Variants in SYNPO observed in about 807,000 individuals in gnomAD.
SYNPO encodes synaptopodin.
SYNPO carries 19 observed loss-of-function variants against 49.5 expected under a neutral mutation model. The observed-to-expected ratio is 0.38, with a 90% CI of 0.27 to 0.56. The LOEUF is 0.56. Among genes scored for constraint, SYNPO ranks in the 20% least tolerant of loss-of-function variants. The pLI is 0.68. For missense variants in SYNPO, 1,131 were observed against 1,248.3 expected, an observed-to-expected ratio of 0.91 and a Z score of 1.42; for synonymous variants, 536 against 548.0, an observed-to-expected ratio of 0.98 and a Z score of 0.31.
chr5:150,591,287 C>A, the SYNPO span, among the ~76,000 whole-genome samples: 4 of 152,322 alleles, frequency 2.6e-5, no homozygotes, highest in East Asian at 7.7e-4. Context: ...GAGCCCGGGA[C>A]GGGGAGGCTG....
intron 2 of SYNPO, among the ~76,000 whole-genome samples, chr5:150,629,734 T>C (rs990894979): frequency 6.6e-6 from 1 of 152,242 alleles, no homozygotes; most frequent in Non-Finnish European, 1.5e-5. Flanking sequence ...TTATTTACTA[T>C]GTACCATGGG....
chr5:150,636,211 T>C (rs1757711095), upstream of SYNPO, among the ~76,000 whole-genome samples: 2 of 152,238 alleles, frequency 1.3e-5, no homozygotes, highest in African/African-American at 4.8e-5. Context: ...ATATTTTCTT[T>C]AAATTTTGTT....
Position 150,656,432 on chromosome 5 carries a change from C to G in SYNPO, c.2057C>G (p.Pro686Arg). 3 of 1,532,066 alleles carry G rather than the reference C, an allele frequency of 2.0e-6. No individual in the cohort carries two copies. Among genetic ancestry groups the G allele is most frequent in the South Asian group, 1.2e-5 (1 of 83,622 alleles). The allele number at this position is 1,532,066 out of a possible 1,614,324, so 94.9% of individuals were successfully genotyped here. The change falls in exon 3 of 3, where the codon CCA becomes CGA. Residue 686 changes from proline (P) to arginine (R), a missense_variant. By Grantham distance (103) the Pro-to-Arg change is moderately radical. This residue lies in a region of SYNPO where 509 missense variants were observed against 484.5 expected (regional missense o/e 1.05). Transcript: ENST00000307662. ...CGCCGGGAGAGCCTGCCCACCTCCC[C>G]ACCCTGGACGCCGGGCGCGTCCCGG... The part of the protein sequence containing the change: ...QDRRESLPTS[P>R]PWTPGASRPP...
At chr5:150,609,794 G>A (rs1011201837) in intron 1 of SYNPO, among the ~76,000 whole-genome samples, 1 of 151,642 alleles carries the variant, frequency 6.6e-6, no homozygotes, top group African/African-American at 2.4e-5. Flanking sequence ...GGCGGGGGGG[G>A]GCAGTGTGGA....
intron 1 of SYNPO, among the ~76,000 whole-genome samples, chr5:150,603,983 T>C (rs1756622689): frequency 6.6e-6 from 1 of 152,224 alleles, no homozygotes; most frequent in Non-Finnish European, 1.5e-5. Flanking sequence ...TTCCTGGAGA[T>C]GGGCATATGG....
At position 150,648,481 on chromosome 5, in the gene SYNPO, T is replaced by A. The variant is rs1268446829; in HGVS notation, c.206T>A (p.Val69Asp). 1 of 1,613,870 alleles carries A rather than the reference T, an allele frequency of 6.2e-7. No homozygotes were observed. ...PAEVHSPAAD[V>D]NQNLASPSAT... Reference sequence around the variant, plus strand: ...GAGGTCCACAGCCCAGCTGCAGATGTCAACCAAAACCTTGCCTCGCCCAGT... The same window carrying A: ...GAGGTCCACAGCCCAGCTGCAGATGACAACCAAAACCTTGCCTCGCCCAGT... The change falls in exon 2 of 3, where the codon GTC (valine) becomes GAC (aspartate). Residue 69 changes from valine to aspartate, a missense_variant. By Grantham distance (152) the Val-to-Asp change is radical. Transcript: ENST00000307662. The surrounding 1 kb of genome is among the most constrained non-coding windows in gnomAD (Gnocchi z 5.0).
At chr5:150,629,297 T>G (rs991597894) in intron 2 of SYNPO, among the ~76,000 whole-genome samples, 170 of 152,226 alleles carry the variant, frequency 1.1e-3, no homozygotes, top group African/African-American at 4.0e-3. Flanking sequence ...ATGCCCGGCC[T>G]AGGAACAGGT....
At chr5:150,647,238 C>G (rs1045387974) in intron 1 of SYNPO, among the ~76,000 whole-genome samples, 1 of 145,790 alleles carries the variant, frequency 6.9e-6, no homozygotes, top group Non-Finnish European at 1.5e-5. Flanking sequence ...AGCAAAAACT[C>G]CTTCTCAAAA....
chr5:150,611,330 G>C (rs1430038824), intron 1 of SYNPO, among the ~76,000 whole-genome samples: 3 of 152,226 alleles, frequency 2.0e-5, no homozygotes, highest in Non-Finnish European at 4.4e-5. Context: ...TATGCATTGA[G>C]TGAACAAATG....
chr5:150,604,109 T>C (rs1273010783), intron 1 of SYNPO, among the ~76,000 whole-genome samples: 1 of 152,198 alleles, frequency 6.6e-6, no homozygotes. Flanking sequence ...ACATTCTAAC[T>C]GACCTTCAGT....
chr5:150,639,324 C>T (rs1015585960), upstream of SYNPO, among the ~76,000 whole-genome samples: 1 of 152,242 alleles, frequency 6.6e-6, no homozygotes, highest in Non-Finnish European at 1.5e-5. Context: ...GCCTCCTTCC[C>T]CTGGGTTTCT....
At chr5:150,605,817 C>T (rs1014464683) in intron 1 of SYNPO, among the ~76,000 whole-genome samples, 2 of 151,872 alleles carry the variant, frequency 1.3e-5, no homozygotes, top group Non-Finnish European at 2.9e-5. Flanking sequence ...GAGACACGTA[C>T]AGACACACAC....
chr5:150,595,258 A>G, the SYNPO span, among the ~76,000 whole-genome samples: 2 of 152,182 alleles, frequency 1.3e-5, no homozygotes, highest in Non-Finnish European at 2.9e-5. Context: ...GGCATTTGGG[A>G]AGAGGTTGGA....
At chr5:150,634,514 T>C (rs538664779) in intron 2 of SYNPO, among the ~76,000 whole-genome samples, 5 of 152,132 alleles carry the variant, frequency 3.3e-5, no homozygotes, top group African/African-American at 1.2e-4. Flanking sequence ...TTAATGGCAA[T>C]AAGGATAGAA....
At chr5:150,612,878 C>A (rs1477093848) in intron 1 of SYNPO, among the ~76,000 whole-genome samples, 1 of 152,184 alleles carries the variant, frequency 6.6e-6, no homozygotes, top group African/African-American at 2.4e-5. Context: ...CTCCTGGGCT[C>A]AAGCACTCCT....
At chr5:150,630,074 G>A (rs562166881) in intron 2 of SYNPO, among the ~76,000 whole-genome samples, 4 of 152,264 alleles carry the variant, frequency 2.6e-5, no homozygotes, top group African/African-American at 7.2e-5. Flanking sequence ...TCTAGGGTCC[G>A]GGGCTCTGAG....
intron 2 of SYNPO, among the ~76,000 whole-genome samples, chr5:150,629,514 A>G (rs966871268): frequency 4.6e-5 from 7 of 152,106 alleles, no homozygotes; most frequent in African/African-American, 7.2e-5. Context: ...AAAGCTCCTT[A>G]CTGGCTTGTC....
At chr5:150,635,464 T>C (rs1466898234) in intron 2 of SYNPO, among the ~76,000 whole-genome samples, 1 of 152,108 alleles carries the variant, frequency 6.6e-6, no homozygotes, top group East Asian at 1.9e-4. Flanking sequence ...AAAGAAAACA[T>C]TTTTTTGTTT....
Position 150,649,611 on chromosome 5 carries a change from G to T in SYNPO, c.1336G>T (p.Glu446Ter). 1 of 1,609,096 alleles carries T rather than the reference G, an allele frequency of 6.2e-7. No individual in the cohort carries two copies. ...PRDRASPAAA[E>*]EVVPEWASCL... ...TGACAGGGCCAGCCCCGCGGCGGCG[G>T]AGGAGGTGGTACCAGAGTGGGCCTC... Residue 446 changes from glutamate to a stop codon, truncating the protein, a stop_gained, in exon 2 of 3, where the codon GAG becomes TAG. Coordinates refer to ENST00000307662, the MANE Select transcript of SYNPO (RefSeq NM_007286.6). LOFTEE classifies it high-confidence loss of function.
Sources: allele counts gnomAD v4.1 joint callset (sites outside exome capture counted in the v4.1 genomes callset), GRCh38; gene constraint gnomAD v4.1.1; regional missense constraint gnomAD v4.1.1; non-coding constraint Gnocchi (gnomAD v3.1); transcripts MANE v1.5; gene names NCBI Gene and HGNC (gene_info 2026-07-23, HGNC 2026-07-21).